The following ZBTB7C variants were observed in gnomAD, a reference collection of about 807,000 sequenced individuals.
The protein encoded by ZBTB7C is zinc finger and BTB domain containing 7C.
A neutral mutation model predicts 25.7 loss-of-function variants in ZBTB7C; 8 were observed. The observed-to-expected ratio is 0.31, with a 90% confidence interval of 0.18 to 0.56. The LOEUF (loss-of-function observed/expected upper bound fraction) is 0.56, where lower values mean the gene tolerates loss of function less well. Ranked by LOEUF, ZBTB7C falls within the 20% of genes least tolerant of loss-of-function variation. The pLI is 0.91. For synonymous variants in ZBTB7C, 394 were observed against 369.0 expected (o/e 1.07, Z -0.78); for missense variants, 824 against 855.2 (o/e 0.96, Z 0.46).
intron 3 of ZBTB7C, among the ~76,000 whole-genome samples, chr18:48,049,769 C>T (rs2036611073): frequency 6.6e-6 from 1 of 152,148 alleles, no homozygotes; most frequent in Non-Finnish European, 1.5e-5. Context: ...TGCTTTCCTG[C>T]CCTTCAAGAA....
intron 3 of ZBTB7C, among the ~76,000 whole-genome samples, chr18:48,086,859 GAA>G (rs1446070863): frequency 1.3e-5 from 2 of 152,086 alleles, no homozygotes; most frequent in African/African-American, 4.8e-5. Flanking sequence ...TTATTTAATC[GAA>G]CTCTGTGCTG....
At chr18:48,339,896 G>A (rs1319073931) in intron 1 of ZBTB7C, among the ~76,000 whole-genome samples, 1 of 152,192 alleles carries the variant, frequency 6.6e-6, no homozygotes, top group Non-Finnish European at 1.5e-5. Context: ...ACTGCTTTGG[G>A]AGAGGCTAGG....
At chr18:48,339,040 C>T (rs574771734) in intron 1 of ZBTB7C, among the ~76,000 whole-genome samples, 2 of 152,264 alleles carry the variant, frequency 1.3e-5, no homozygotes, top group African/African-American at 4.8e-5. Flanking sequence ...ACAGAGACAC[C>T]GGCTCCACAG....
chr18:48,141,341 C>G (rs1254887441), intron 3 of ZBTB7C, among the ~76,000 whole-genome samples: 1 of 152,164 alleles, frequency 6.6e-6, no homozygotes, highest in Non-Finnish European at 1.5e-5. Context: ...TTCATGCTCG[C>G]ATTGATTTTT....
intron 4 of ZBTB7C, among the ~76,000 whole-genome samples, chr18:48,035,045 A>G (rs1008458395): frequency 6.6e-6 from 1 of 152,230 alleles, no homozygotes; most frequent in Non-Finnish European, 1.5e-5. Flanking sequence ...TTATCTTAAT[A>G]GGGTTCCCAG....
intron 3 of ZBTB7C, among the ~76,000 whole-genome samples, chr18:48,104,390 C>T (rs1397650776): frequency 6.6e-6 from 1 of 152,164 alleles, no homozygotes; most frequent in East Asian, 1.9e-4. Context: ...AGACTCTCCC[C>T]AGAAGCAGAT....
At chr18:48,089,616 C>A (rs2038333899) in intron 3 of ZBTB7C, among the ~76,000 whole-genome samples, 1 of 152,088 alleles carries the variant, frequency 6.6e-6, no homozygotes, top group African/African-American at 2.4e-5. Context: ...TCACATGGGG[C>A]TCTCACTAAA....
chr18:48,333,863 A>G (rs1353210397), intron 2 of ZBTB7C, among the ~76,000 whole-genome samples: 1 of 152,180 alleles, frequency 6.6e-6, no homozygotes, highest in Non-Finnish European at 1.5e-5. Flanking sequence ...ATGTGGACCC[A>G]ACCTTGAAAA....
intron 2 of ZBTB7C, among the ~76,000 whole-genome samples, chr18:48,261,366 G>T (rs936224335): frequency 2.6e-5 from 4 of 151,884 alleles, no homozygotes; most frequent in Admixed American, 6.5e-5. Flanking sequence ...TAGAGCTGGA[G>T]CTCACACTGG....
chr18:48,163,603 T>C (rs934948577), intron 3 of ZBTB7C, among the ~76,000 whole-genome samples: 2 of 152,216 alleles, frequency 1.3e-5, no homozygotes, highest in African/African-American at 4.8e-5. Context: ...TTCAAGCAGA[T>C]GTCCAGCCCT....
chr18:48,144,310 T>G (rs1400483285), intron 3 of ZBTB7C, among the ~76,000 whole-genome samples: 5 of 152,100 alleles, frequency 3.3e-5, no homozygotes, highest in African/African-American at 1.2e-4. Flanking sequence ...CTTAGTTTTC[T>G]TTACCATGTA....
intron 2 of ZBTB7C, among the ~76,000 whole-genome samples, chr18:48,318,023 G>A (rs938281247): frequency 3.4e-5 from 5 of 149,170 alleles, no homozygotes; most frequent in South Asian, 2.1e-4. Context: ...AGGCGCATGC[G>A]CACTAGCTAT....
intron 2 of ZBTB7C, among the ~76,000 whole-genome samples, chr18:48,290,711 G>C (rs929130796): frequency 6.6e-6 from 1 of 152,178 alleles, no homozygotes; most frequent in African/African-American, 2.4e-5. Flanking sequence ...TCCTGGCAAG[G>C]CCTCGCCATC....
rs375810905 is a variant in ZBTB7C, at chr18:48,238,696, T to C, written c.-78-52701A>G. Among the ~76,000 whole-genome samples, 9 of 152,188 alleles carry C rather than the reference T, an allele frequency of 5.9e-5. 1 individual carries two copies. The highest frequency in any genetic ancestry group is 3.9e-4 in the Admixed American group (6 of 15,282). On this transcript the variant is annotated intron_variant, in intron 2 of 4. Coordinates refer to ENST00000590800, the MANE Select transcript of ZBTB7C (RefSeq NM_001318841.2). ...TCCTTGGGGAAGGCTGCCAGTGGAA[T>C]TGGGGAAGGATCACAGAGAGAAGGA...
intron 3 of ZBTB7C, 138 bp downstream of exon 3, chr18:48,185,796 C>G (rs560686645): frequency 6.6e-6 from 1 of 152,284 alleles, no homozygotes; most frequent in East Asian, 1.9e-4. Flanking sequence ...AGCTCCACCC[C>G]AAGGGAGGAA....
At chr18:48,207,424 A>T (rs574502767) in intron 2 of ZBTB7C, among the ~76,000 whole-genome samples, 1 of 152,334 alleles carries the variant, frequency 6.6e-6, no homozygotes, top group Non-Finnish European at 1.5e-5. Flanking sequence ...TCCATCAACA[A>T]TAAAATGGGT....
chr18:48,380,141 A>T (rs973885488), intron 1 of ZBTB7C, among the ~76,000 whole-genome samples: 3 of 152,330 alleles, frequency 2.0e-5, no homozygotes, highest in East Asian at 1.9e-4. Context: ...ATCTAAATGT[A>T]TTAGAAATAT....
intron 2 of ZBTB7C, among the ~76,000 whole-genome samples, chr18:48,294,959 G>C (rs552453775): frequency 1.6e-4 from 24 of 152,094 alleles, no homozygotes; most frequent in Admixed American, 4.6e-4. Context: ...ACTGCAAGCT[G>C]GCTGCAGTAC....
At chr18:48,056,515 G>A (rs1181688979) in intron 3 of ZBTB7C, among the ~76,000 whole-genome samples, 1 of 152,128 alleles carries the variant, frequency 6.6e-6, no homozygotes, top group East Asian at 1.9e-4. Context: ...ATTTGGTACT[G>A]GATCATGAAC....
Sources: gnomAD v4.1 joint callset for allele counts (sites outside exome capture counted in the v4.1 genomes callset) on GRCh38, gnomAD v4.1.1 for gene constraint, MANE v1.5 for transcripts, NCBI Gene and HGNC (gene_info 2026-07-23, HGNC 2026-07-21) for gene names.